The following ZNF534 variants were observed in gnomAD, a reference collection of about 807,000 sequenced individuals.
ZNF534 encodes the protein KRAB domain only 3.
ZNF534 carries 19 observed loss-of-function variants against 13.6 expected under a neutral mutation model. The observed-to-expected ratio is 1.40, with a 90% CI of 0.97 to 2.05. ZNF534 has a LOEUF of 2.05. Among genes scored for constraint, ZNF534 ranks in the 30% most tolerant of loss-of-function variants. ZNF534 has a pLI of 0.00. For missense variants in ZNF534, 782 were observed against 796.3 expected (o/e 0.98, Z 0.22); for synonymous variants, 244 against 273.8 (o/e 0.89, Z 1.07).
At chr19:52,444,432 G>T (rs2059187124), downstream of ZNF534, among the ~76,000 whole-genome samples, 1 of 152,108 alleles carries the variant, frequency 6.6e-6, no homozygotes, top group Non-Finnish European at 1.5e-5. Flanking sequence ...ATCTGTGAGG[G>T]TCCTGAGTTT....
intron 4 of ZNF534, among the ~76,000 whole-genome samples, chr19:52,448,816 A>T (rs962798089): frequency 6.6e-6 from 1 of 152,268 alleles, no homozygotes; most frequent in African/African-American, 2.4e-5. Context: ...TGATCAAATC[A>T]GGATAATTTA....
exon 5 of ZNF534, chr19:52,451,856 ATT>A: frequency 1.3e-6 from 1 of 760,088 alleles, no homozygotes; most frequent in Non-Finnish European, 2.2e-6. Context: ...TTGTGAACGG[ATT>A]TTTTAATCCA....
At chr19:52,450,835 T>C (rs975455150) in intron 4 of ZNF534, among the ~76,000 whole-genome samples, 1 of 151,772 alleles carries the variant, frequency 6.6e-6, no homozygotes, top group African/African-American at 2.4e-5. Flanking sequence ...CACAGGTGCA[T>C]GCCACCGCAC....
intron 4 of ZNF534, among the ~76,000 whole-genome samples, chr19:52,448,451 G>C (rs1243749334): frequency 1.3e-5 from 2 of 152,052 alleles, no homozygotes; most frequent in African/African-American, 2.4e-5. Flanking sequence ...CCATCTACTT[G>C]TGAATGTGAG....
chr19:52,435,797 G>A lies in ZNF534; in HGVS notation c.271+588G>A, dbSNP rs182001828. On this transcript the variant is annotated intron_variant, in intron 4 of 4. Coordinates refer to ENST00000433050, the MANE Select transcript of ZNF534 (RefSeq NM_001143938.3). ...TGGGATTACAGGCATGAGCCACTGT[G>A]CCCAGCCTCACATAATGATTTTTGA... Among the ~76,000 whole-genome samples, 47 of 152,156 alleles carry A rather than the reference G, an allele frequency of 3.1e-4. No homozygotes were observed. The East Asian group carries it at 8.7e-3, about 28-fold the overall frequency.
chr19:52,436,867 TTC>T (rs2059131838), intron 4 of ZNF534, among the ~76,000 whole-genome samples: 1 of 152,170 alleles, frequency 6.6e-6, no homozygotes, highest in African/African-American at 2.4e-5. Context: ...AGTTTTCTAT[TTC>T]TGTTATCTTT....
chr19:52,434,864 T>C (rs1186284954), intron 3 of ZNF534, among the ~76,000 whole-genome samples: 1 of 152,176 alleles, frequency 6.6e-6, no homozygotes, highest in Non-Finnish European at 1.5e-5. Flanking sequence ...CAGTTCCCTG[T>C]TTTCTACCCA....
rs1245882525 is a variant in ZNF534, at chr19:52,441,373, G to A, written c.*1927G>A. 6.6e-6 allele frequency among the ~76,000 whole-genome samples: 1 copy of A among 152,180 alleles called. No individual in the cohort carries two copies. Among genetic ancestry groups the A allele is most frequent in the Non-Finnish European group, 1.5e-5 (1 of 68,028 alleles). On this transcript the variant is annotated 3_prime_UTR_variant, in exon 5 of 5. Coordinates refer to ENST00000433050, the MANE Select transcript of ZNF534 (RefSeq NM_001143938.3). The stretch of plus-strand genomic sequence containing the variant: ...TCTACAAATAATAAAAAATTAGCCA[G>A]GTGTGTTGGTATATGCATGTATTCC...
chr19:52,446,886 T>G (rs917028041), downstream of ZNF534, among the ~76,000 whole-genome samples: 2 of 152,178 alleles, frequency 1.3e-5, no homozygotes, highest in Non-Finnish European at 2.9e-5. Context: ...TATTGTCTTA[T>G]AGTTCTGGAT....
intron 2 of ZNF534, 43 bp from the exon 3 acceptor site, chr19:52,433,912 A>G: frequency 6.2e-7 from 1 of 1,610,714 alleles, no homozygotes; most frequent in Non-Finnish European, 8.5e-7. Context: ...GAAGATAAGT[A>G]CTCTCTCCAT....
exon 5 of ZNF534, chr19:52,451,327 C>T: frequency 8.8e-7 from 1 of 1,130,156 alleles, no homozygotes; most frequent in Non-Finnish European, 1.3e-6. Context: ...GCTACCATTT[C>T]CTTCCGTTTC....
rs746358825 is a variant in ZNF534, at chr19:52,435,219, C to T, written c.271+10C>T. The T allele has an allele frequency of 1.5e-5, 24 of 1,600,724 alleles. No homozygotes were observed. In the Middle Eastern group the frequency reaches 5.0e-4, roughly 33 times the overall value. On this transcript the variant is annotated intron_variant, in intron 4 of 4. Coordinates refer to ENST00000433050, the MANE Select transcript of ZNF534 (RefSeq NM_001143938.3). The stretch of plus-strand genomic sequence containing the variant: ...AAAGGTGTGAACACAGGTGAGAGCT[C>T]AGGTGGGCAGAGTGGAGGCCCCATA...
chr19:52,439,321 C>G lies in ZNF534; in HGVS notation c.1861C>G (p.Leu621Val), dbSNP rs1020091246. 3.9e-6 allele frequency: 6 copies of G among 1,555,112 alleles called. No individual in the cohort carries two copies. The highest frequency in any genetic ancestry group is 5.2e-6 in the Non-Finnish European group (6 of 1,149,012). The change falls in exon 5 of 5, where the codon CTT becomes GTT. Residue 621 changes from leucine (L) to valine (V), a missense_variant. Coordinates refer to ENST00000433050, the MANE Select transcript of ZNF534 (RefSeq NM_001143938.3). ...CSKVFSRNSR[L>V]AQHRNIHTGV... ...CAAGGTCTTCAGTCGGAATTCACGC[C>G]TTGCACAACATAGGAATATTCATAC... is the stretch of plus-strand genomic sequence containing the variant.
At chr19:52,431,056 T>C (rs2059083938) in intron 1 of ZNF534, among the ~76,000 whole-genome samples, 1 of 152,076 alleles carries the variant, frequency 6.6e-6, no homozygotes, top group Non-Finnish European at 1.5e-5. Flanking sequence ...TTTCATTATG[T>C]TGGCCAGGCT....
In ZNF534 at chr19:52,440,028, A is replaced by G. The variant is rs191378939; in HGVS notation, c.*582A>G. Among the ~76,000 whole-genome samples the G allele has an allele frequency of 3.7e-4, 56 of 151,950 alleles. No individual in the cohort carries two copies. In the East Asian group the frequency reaches 0.01, roughly 27 times the overall value. On this transcript the variant is annotated 3_prime_UTR_variant, in exon 5 of 5. Transcript: ENST00000433050. ...GGTTGTGATGAGCCGAGATTGCAAC[A>G]TTGCACTCCAGCTTGGGCAAGAGGA...
In ZNF534 at chr19:52,438,999, G is replaced by T; in HGVS notation, c.1539G>T (p.Arg513Ser). Reference protein sequence around the residue: ...FRQNSHLAQHRDIHTGEKPYS... With the variant: ...FRQNSHLAQHSDIHTGEKPYS... ...AGAATTCACACCTTGCACAACATAG[G>T]GATATTCATACTGGAGAGAAGCCTT... The change falls in exon 5 of 5, where the codon AGG becomes AGT. Residue 513 changes from arginine (R) to serine (S), a missense_variant. Physicochemically the swap from Arg to Ser is moderately radical, Grantham distance 110. This residue lies in a region of ZNF534 where 591 missense variants were observed against 574.0 expected (regional missense o/e 1.03). Coordinates refer to ENST00000433050, the MANE Select transcript of ZNF534 (RefSeq NM_001143938.3). The T allele has an allele frequency of 6.2e-7, 1 of 1,603,610 alleles. No individual in the cohort carries two copies. The highest frequency in any genetic ancestry group is 8.5e-7 in the Non-Finnish European group (1 of 1,174,754).
chr19:52,450,629 G>T (rs2059209752), intron 4 of ZNF534, among the ~76,000 whole-genome samples: 1 of 140,414 alleles, frequency 7.1e-6, no homozygotes, highest in Admixed American at 7.2e-5. Context: ...GAATTGCTTT[G>T]GCTTTTTTGG....
rs2059168062 is a variant in ZNF534 at position 52,440,900 on chromosome 19, T to G, written c.*1454T>G. Among the ~76,000 whole-genome samples, 1 of 137,822 alleles carries G rather than the reference T, an allele frequency of 7.3e-6. No individual in the cohort carries two copies. The highest frequency in any genetic ancestry group is 2.8e-5 in the African/African-American group (1 of 35,796). The allele number at this position is 137,822 out of a possible 152,430, so 90.4% of individuals were successfully genotyped here. A position where few individuals can be genotyped will look rare whatever the true frequency, so the allele number is the denominator to read the frequency against. On this transcript the variant is annotated 3_prime_UTR_variant, in exon 5 of 5. Coordinates refer to ENST00000433050, the MANE Select transcript of ZNF534 (RefSeq NM_001143938.3). ...TTGTAATCCATAGTGGAGATAAGTCTTTTTTTTTTTTTTCCCCCGAAACAA... is the reference window on the plus strand; with the variant it reads ...TTGTAATCCATAGTGGAGATAAGTCGTTTTTTTTTTTTTCCCCCGAAACAA...
At chr19:52,435,823 G>A (rs1449732806) in intron 4 of ZNF534, among the ~76,000 whole-genome samples, 9 of 151,698 alleles carry the variant, frequency 5.9e-5, no homozygotes, top group Admixed American at 4.6e-4. Context: ...TGATTTTTGA[G>A]TTCTAATTAA....
Sources: allele counts gnomAD v4.1 joint callset (sites outside exome capture counted in the v4.1 genomes callset), GRCh38; gene constraint gnomAD v4.1.1; regional missense constraint gnomAD v4.1.1; transcripts MANE v1.5; gene names NCBI Gene and HGNC (gene_info 2026-07-23, HGNC 2026-07-21).